SPAG17: variants seen among roughly 807,000 people sequenced by gnomAD.
The protein encoded by SPAG17 is sperm associated antigen 17.
Under a neutral mutation model 273.6 loss-of-function variants are expected in SPAG17, and 169 were observed. The observed-to-expected ratio is 0.62, with a 90% confidence interval of 0.55 to 0.70. The LOEUF (loss-of-function observed/expected upper bound fraction) is 0.70. Ranked by LOEUF, SPAG17 falls within the 30% of genes least tolerant of loss-of-function variation. The pLI is 0.00. For synonymous variants in SPAG17, 825 were observed against 873.2 expected (o/e 0.94, Z 0.97); for missense variants, 2,557 against 2,627.8 (o/e 0.97, Z 0.59).
intron 3 of SPAG17, among the ~76,000 whole-genome samples, chr1:118,136,661 G>T (rs1360326870): frequency 2.6e-5 from 4 of 152,148 alleles, no homozygotes; most frequent in Non-Finnish European, 5.9e-5. Context: ...CTGGCCCAGG[G>T]TGAAACGGAG....
intron 47 of SPAG17, chr1:117,964,495 A>G (rs1231133712): frequency 1.3e-5 from 2 of 152,100 alleles, no homozygotes; most frequent in East Asian, 3.9e-4. Flanking sequence ...AGAGGAAAAA[A>G]CTAGTTCTTT....
intron 3 of SPAG17, among the ~76,000 whole-genome samples, chr1:118,116,169 TG>T (rs1657068286): frequency 6.6e-6 from 1 of 152,218 alleles, no homozygotes; most frequent in South Asian, 2.1e-4. Context: ...CTCTAACATC[TG>T]GGCCCTTTTC....
At chr1:118,049,294 C>A (rs1345120024) in intron 20 of SPAG17, among the ~76,000 whole-genome samples, 1 of 152,112 alleles carries the variant, frequency 6.6e-6, no homozygotes, top group Non-Finnish European at 1.5e-5. Flanking sequence ...GGCCGTTGTC[C>A]CTGGTGATGT....
chr1:118,075,728 A>G (rs866234706), intron 15 of SPAG17, among the ~76,000 whole-genome samples: 2 of 152,152 alleles, frequency 1.3e-5, no homozygotes, highest in African/African-American at 4.8e-5. Context: ...CTTTAAGCAC[A>G]ACTCTTTGAC....
intron 18 of SPAG17, among the ~76,000 whole-genome samples, chr1:118,065,515 T>A (rs1280026631): frequency 6.6e-6 from 1 of 152,102 alleles, no homozygotes; most frequent in Non-Finnish European, 1.5e-5. Context: ...CAAGGAAAAA[T>A]TATAGCTGAA....
At chr1:118,154,223 G>T (rs891984637) in intron 1 of SPAG17, among the ~76,000 whole-genome samples, 2 of 152,132 alleles carry the variant, frequency 1.3e-5, no homozygotes. Context: ...CCCATCTATG[G>T]TCTCTTGCCC....
At chr1:118,037,451 G>C (rs953324663) in intron 23 of SPAG17, among the ~76,000 whole-genome samples, 1 of 152,116 alleles carries the variant, frequency 6.6e-6, no homozygotes, top group Non-Finnish European at 1.5e-5. Context: ...TCATCACCCA[G>C]TTAGTGAGCA....
chr1:117,972,190 C>T, intron 44 of SPAG17, 143 bp from the exon 45 acceptor site: 5 of 738,358 alleles, frequency 6.8e-6, no homozygotes, highest in Non-Finnish European at 1.1e-5. Context: ...ATCCTTACAA[C>T]AGTCCTGTGA....
intron 29 of SPAG17, among the ~76,000 whole-genome samples, 177 bp downstream of exon 29, chr1:118,015,788 C>A (rs550431436): frequency 1.3e-5 from 2 of 152,288 alleles, no homozygotes; most frequent in African/African-American, 4.8e-5. Flanking sequence ...AAATACACCA[C>A]AAGATGTTTT....
chr1:118,125,234 T>G (rs1357208931), intron 3 of SPAG17, among the ~76,000 whole-genome samples: 2 of 146,642 alleles, frequency 1.4e-5, no homozygotes, highest in Non-Finnish European at 2.9e-5. Context: ...TGTATTCATA[T>G]ATATATATAT....
chr1:118,006,496 G>A (rs1453415627), intron 31 of SPAG17, among the ~76,000 whole-genome samples: 3 of 152,154 alleles, frequency 2.0e-5, no homozygotes, highest in Non-Finnish European at 2.9e-5. Context: ...TCACTTATGA[G>A]TTGCCATCAT....
intron 1 of SPAG17, among the ~76,000 whole-genome samples, chr1:118,162,345 A>C (rs1659969252): frequency 6.6e-6 from 1 of 152,218 alleles, no homozygotes; most frequent in South Asian, 2.1e-4. Context: ...TGGCCTTGGA[A>C]AAACATTTAA....
Position 118,025,237 on chromosome 1 carries a change from C to A in SPAG17, c.3909+1G>T. On this transcript the variant is annotated splice_donor_variant, in intron 27 of 48. Coordinates refer to ENST00000336338, the MANE Select transcript of SPAG17 (RefSeq NM_206996.4). LOFTEE classifies it high-confidence loss of function. Reference sequence around the variant, plus strand: ...ATAATTTCTCTAACACATTCTTTTACCTGTGTGGATCCATCCAACATATAT... The same window carrying A: ...ATAATTTCTCTAACACATTCTTTTAACTGTGTGGATCCATCCAACATATAT... 1 of 1,612,860 alleles carries A rather than the reference C, an allele frequency of 6.2e-7. No homozygotes were observed. The highest frequency in any genetic ancestry group is 8.5e-7 in the Non-Finnish European group (1 of 1,179,258).
At chr1:118,144,326 C>T (rs1482633546) in intron 3 of SPAG17, among the ~76,000 whole-genome samples, 9 of 152,202 alleles carry the variant, frequency 5.9e-5, no homozygotes, top group African/African-American at 2.2e-4. Flanking sequence ...GTTAACACAT[C>T]TGACTGCTCT....
At chr1:118,120,292 A>AC (rs397710527) in intron 3 of SPAG17, among the ~76,000 whole-genome samples, 3 of 151,434 alleles carry the variant, frequency 2.0e-5, no homozygotes, top group Non-Finnish European at 2.9e-5. Flanking sequence ...TTAAAAAAAA[A>AC]CAAATTTTTA....
chr1:118,132,023 T>C (rs1390771593), intron 3 of SPAG17, among the ~76,000 whole-genome samples: 2 of 152,222 alleles, frequency 1.3e-5, no homozygotes, highest in Non-Finnish European at 1.5e-5. Flanking sequence ...TAGTGAGCTT[T>C]TCGTGGAGTT....
intron 30 of SPAG17, among the ~76,000 whole-genome samples, chr1:118,008,814 A>G (rs994002159): frequency 2.6e-4 from 40 of 152,222 alleles, no homozygotes; most frequent in African/African-American, 8.9e-4. Flanking sequence ...CCATCCATCT[A>G]TCTATACATA....
rs149889525 is a variant in SPAG17, at chr1:117,991,515, T to C, written c.5375A>G (p.Tyr1792Cys). The C allele has an allele frequency of 1.3e-4, 202 of 1,598,182 alleles. 1 individual carries two copies. The African/African-American group carries it at 2.4e-3, about 19-fold the overall frequency. ...CAGCTCATCTTCTTTCTTTAGAATA[T>C]AGTTTATGTAATCCTAAATCAGCAG... ...LQVSLKDYIN[Y>C]ILKKEDELQE... Residue 1792 changes from tyrosine to cysteine, a missense_variant, in exon 37 of 49, where the codon TAT (tyrosine) becomes TGT (cysteine). Transcript: ENST00000336338.
At chr1:118,149,842 A>G (rs567472050) in intron 3 of SPAG17, among the ~76,000 whole-genome samples, 35 of 152,316 alleles carry the variant, frequency 2.3e-4, no homozygotes, top group Middle Eastern at 3.4e-3. Flanking sequence ...TGATATTCTA[A>G]TTAATCACTG....
Sources: gnomAD v4.1 joint callset for allele counts (sites outside exome capture counted in the v4.1 genomes callset) on GRCh38, gnomAD v4.1.1 for gene constraint, MANE v1.5 for transcripts, NCBI Gene and HGNC (gene_info 2026-07-23, HGNC 2026-07-21) for gene names.